The following TMPRSS15 variants were observed in gnomAD, a reference collection of about 807,000 sequenced individuals.
TMPRSS15 encodes the protein enteropeptidase.
In TMPRSS15, 128 loss-of-function variants were observed where a neutral mutation model predicts 125.3. That is an observed-to-expected ratio of 1.02 (90% confidence interval 0.89 to 1.18). TMPRSS15 has a LOEUF of 1.18. TMPRSS15 is among the 50% of genes most tolerant of loss of function. The probability of loss-of-function intolerance (pLI) is 0.00; values close to 1 mark genes in which losing one functional copy is unlikely to be tolerated. For missense variants in TMPRSS15, 1,283 were observed against 1,212.7 expected (o/e 1.06, Z -0.86); for synonymous variants, 446 against 423.2 (o/e 1.05, Z -0.66).
At chr21:18,310,717 A>T (rs192683169) in intron 18 of TMPRSS15, among the ~76,000 whole-genome samples, 52 of 152,200 alleles carry the variant, frequency 3.4e-4, no homozygotes, top group Admixed American at 2.5e-3. Flanking sequence ...AAAAAATCCT[A>T]AAATTTGTAT....
chr21:18,339,429 T>C (rs1437260489), intron 13 of TMPRSS15, among the ~76,000 whole-genome samples: 1 of 152,232 alleles, frequency 6.6e-6, no homozygotes, highest in East Asian at 1.9e-4. Context: ...CTGAAAAGTC[T>C]GCTTTTTTTC....
intron 13 of TMPRSS15, among the ~76,000 whole-genome samples, chr21:18,338,162 A>G (rs558671653): frequency 1.3e-5 from 2 of 152,214 alleles, no homozygotes; most frequent in South Asian, 4.1e-4. Flanking sequence ...CATATTTAAA[A>G]TTTTGTTTCT....
intron 13 of TMPRSS15, among the ~76,000 whole-genome samples, chr21:18,332,889 T>TGTACC (rs1489817326): frequency 6.6e-6 from 1 of 152,212 alleles, no homozygotes; most frequent in Admixed American, 6.5e-5. Flanking sequence ...GTGGTACATA[T>TGTACC]ATACCATAGA....
At chr21:18,382,685 G>A (rs1313315018) in intron 4 of TMPRSS15, among the ~76,000 whole-genome samples, 3 of 151,752 alleles carry the variant, frequency 2.0e-5, no homozygotes, top group Non-Finnish European at 1.5e-5. Flanking sequence ...TTTATGTATT[G>A]GCTAACTTTC....
At chr21:18,297,923 A>C (rs945176208) in intron 18 of TMPRSS15, 94 bp from the exon 19 acceptor site, 14 of 934,990 alleles carry the variant, frequency 1.5e-5, no homozygotes, top group African/African-American at 6.6e-5. Flanking sequence ...ATGGACATTA[A>C]AACAAATTAT....
At chr21:18,329,105 C>T in intron 15 of TMPRSS15, 64 bp downstream of exon 15, 1 of 557,676 alleles carries the variant, frequency 1.8e-6, no homozygotes, top group Non-Finnish European at 2.6e-6. Context: ...TTAAGAAACG[C>T]TCTTTCCATC....
At position 18,458,428 on chromosome 21, in the gene TMPRSS15, G is replaced by C. The variant is rs143101272; in HGVS notation, c.10+27371C>G. 5.1e-4 allele frequency among the ~76,000 whole-genome samples: 77 copies of C among 152,272 alleles called. 2 individuals carry two copies. The South Asian group carries it at 0.01, about 21-fold the overall frequency. On this transcript the variant is annotated intron_variant, in intron 1 of 7. Coordinates refer to the TMPRSS15 transcript ENST00000422787. ...TATGCCAGAACTGTGTTAGGTCTTT[G>C]AGGTTTCAAGAATCTCAAGTGGTTC... is the stretch of plus-strand genomic sequence containing the variant.
intron 16 of TMPRSS15, among the ~76,000 whole-genome samples, chr21:18,316,311 C>A (rs1020710474): frequency 6.6e-6 from 1 of 152,144 alleles, no homozygotes; most frequent in Admixed American, 6.5e-5. Flanking sequence ...CCACCCCAAA[C>A]GAACATACAA....
At chr21:18,296,576 T>C (rs1267611205) in intron 19 of TMPRSS15, among the ~76,000 whole-genome samples, 1 of 152,230 alleles carries the variant, frequency 6.6e-6, no homozygotes, top group Non-Finnish European at 1.5e-5. Flanking sequence ...TAGAATAAGC[T>C]AGTTTTGATC....
At chr21:18,353,573 CT>C in intron 9 of TMPRSS15, 149 bp downstream of exon 9, 1 of 672,544 alleles carries the variant, frequency 1.5e-6, no homozygotes, top group Non-Finnish European at 2.4e-6. Context: ...TTTCTCATTT[CT>C]TTTTAAGTTC....
intron 5 of TMPRSS15, 113 bp from the exon 6 acceptor site, chr21:18,372,437 G>T: frequency 2.3e-6 from 2 of 858,852 alleles, no homozygotes; most frequent in Non-Finnish European, 1.9e-6. Flanking sequence ...TTCTTCAACT[G>T]CCATAGGAAT....
At chr21:18,372,842 A>C (rs1331138670) in intron 5 of TMPRSS15, among the ~76,000 whole-genome samples, 1 of 152,228 alleles carries the variant, frequency 6.6e-6, no homozygotes, top group Non-Finnish European at 1.5e-5. Flanking sequence ...TGCACCTCTC[A>C]GCCTGACTTG....
intron 1 of TMPRSS15, among the ~76,000 whole-genome samples, chr21:18,467,996 G>A (rs1978701472): frequency 1.3e-5 from 2 of 152,042 alleles, no homozygotes; most frequent in South Asian, 4.1e-4. Flanking sequence ...TGGAGGTAAA[G>A]AGAAAGAGAA....
intron 14 of TMPRSS15, among the ~76,000 whole-genome samples, chr21:18,330,382 T>C (rs1474821): frequency 0.92 from 140,677 of 152,260 alleles, 65,199 homozygotes; most frequent in African/African-American, 0.98. Context: ...TCAAAGACTC[T>C]CCAGTGCTCT....
chr21:18,442,317 T>G (rs1263347176), intron 1 of TMPRSS15, among the ~76,000 whole-genome samples: 1 of 152,170 alleles, frequency 6.6e-6, no homozygotes, highest in Non-Finnish European at 1.5e-5. Context: ...GGGCTTGACG[T>G]ATTTGCTAGC....
At chr21:18,418,163 T>C (rs9974279) in intron 1 of TMPRSS15, among the ~76,000 whole-genome samples, 97,078 of 152,068 alleles carry the variant, frequency 0.64, 31,437 homozygotes, top group Middle Eastern at 0.75. Flanking sequence ...ACAGGCTCTC[T>C]CCTATGGTTT....
At chr21:18,391,721 G>A in intron 3 of TMPRSS15, among the ~76,000 whole-genome samples, 1 of 152,200 alleles carries the variant, frequency 6.6e-6, no homozygotes, top group East Asian at 1.9e-4. Context: ...GCCCAGGGGG[G>A]ACTCTGTGTG....
chr21:18,418,840 T>A (rs1309123829), intron 1 of TMPRSS15, among the ~76,000 whole-genome samples: 1 of 152,228 alleles, frequency 6.6e-6, no homozygotes, highest in Non-Finnish European at 1.5e-5. Flanking sequence ...CAGCGTATGC[T>A]ATACATGGTA....
intron 1 of TMPRSS15, among the ~76,000 whole-genome samples, chr21:18,485,163 A>G (rs538854667): frequency 3.9e-5 from 6 of 151,970 alleles, no homozygotes; most frequent in East Asian, 3.9e-4. Flanking sequence ...TGTCTTTGTA[A>G]TTGGTAAACA....
Sources: gnomAD v4.1 joint callset for allele counts (sites outside exome capture counted in the v4.1 genomes callset) on GRCh38, gnomAD v4.1.1 for gene constraint, MANE v1.5 for transcripts, NCBI Gene and HGNC (gene_info 2026-07-23, HGNC 2026-07-21) for gene names.